TRIP12: variants seen among roughly 807,000 people sequenced by gnomAD.
TRIP12 encodes thyroid hormone receptor interactor 12, also known as E3 ubiquitin-protein ligase TRIP12.
TRIP12 carries 25 observed loss-of-function variants against 244.2 expected under a neutral mutation model. The ratio of observed to expected loss-of-function variants is 0.10; its 90% CI spans 0.07 to 0.14. TRIP12 has a LOEUF of 0.14. Among genes scored for constraint, TRIP12 ranks in the 10% least tolerant of loss-of-function variants. The probability of loss-of-function intolerance (pLI) is 1.00; values close to 1 mark genes in which losing one functional copy is unlikely to be tolerated. For synonymous variants in TRIP12, 905 were observed against 873.1 expected (o/e 1.04, Z -0.64); for missense variants, 1,677 against 2,486.4 (o/e 0.67, Z 6.92).
At chr2:229,897,103 C>G (rs1383023083) in intron 1 of TRIP12, among the ~76,000 whole-genome samples, 2 of 152,132 alleles carry the variant, frequency 1.3e-5, no homozygotes, top group African/African-American at 4.8e-5. Flanking sequence ...GTACCTTCAG[C>G]TGATTTTTGC....
intron 9 of TRIP12, 41 bp downstream of exon 9, chr2:229,818,323 G>A (rs974865093): frequency 6.2e-7 from 1 of 1,604,228 alleles, no homozygotes; most frequent in East Asian, 2.2e-5. Flanking sequence ...AGATTTCAGA[G>A]GACAAATGAG....
intron 1 of TRIP12, among the ~76,000 whole-genome samples, chr2:229,912,138 T>C (rs2074404505): frequency 6.6e-6 from 1 of 152,218 alleles, no homozygotes. Context: ...AGAGGACTGG[T>C]GTGGGTCATT....
In TRIP12 at chr2:229,884,255, G is replaced by A. The variant is rs972697397; in HGVS notation, c.-49-4127C>T. Among the ~76,000 whole-genome samples the A allele has an allele frequency of 2.6e-4, 8 of 30,304 alleles. No individual in the cohort carries two copies. The East Asian group carries it at 7.8e-3, about 29-fold the overall frequency. 19.9% of individuals were successfully genotyped at this position (30,304 alleles called of 152,430 possible). On this transcript the variant is annotated intron_variant, in intron 1 of 41. Transcript: ENST00000675903. ...TCTTTTCTTTTTTTTTTTTTTTTTT[G>A]AGACAGAGCCTTGCTCTGTTGCCCT... is the stretch of plus-strand genomic sequence containing the variant.
chr2:229,771,500 T>G lies in TRIP12; in HGVS notation c.5808+19A>C. 1 of 1,591,358 alleles carries G rather than the reference T, an allele frequency of 6.3e-7. No individual in the cohort carries two copies. The highest frequency in any genetic ancestry group is 8.6e-7 in the Non-Finnish European group (1 of 1,159,968). On this transcript the variant is annotated intron_variant, in intron 39 of 41. Transcript: ENST00000675903. ...AAAATTATAGGTATGACCATTTCTTTTAGATATAAGCTACTCACTTCCTCC... is the reference window on the plus strand; with the variant it reads ...AAAATTATAGGTATGACCATTTCTTGTAGATATAAGCTACTCACTTCCTCC...
At position 229,774,078 on chromosome 2, in the gene TRIP12, C is replaced by G. The variant is rs377410498; in HGVS notation, c.5694+19G>C. Reference sequence around the variant, plus strand: ...CCGTCTTCACAACTGGCCTACCCCCCAAAGACACAGTTACATACTCTTAGA... The same window carrying G: ...CCGTCTTCACAACTGGCCTACCCCCGAAAGACACAGTTACATACTCTTAGA... On this transcript the variant is annotated intron_variant, in intron 38 of 41. Transcript: ENST00000675903. 4.4e-6 allele frequency: 7 copies of G among 1,607,026 alleles called. No homozygotes were observed. Among genetic ancestry groups the G allele is most frequent in the Admixed American group, 1.7e-5 (1 of 59,062 alleles).
chr2:229,831,119 TTTAA>T (rs1413931899), intron 6 of TRIP12: 3 of 715,176 alleles, frequency 4.2e-6, no homozygotes, highest in African/African-American at 3.5e-5. Context: ...GAAACTGTTC[TTTAA>T]TTAAGATGTC....
intron 1 of TRIP12, among the ~76,000 whole-genome samples, chr2:229,891,223 C>A (rs2067274362): frequency 6.6e-6 from 1 of 151,988 alleles, no homozygotes; most frequent in South Asian, 2.1e-4. Context: ...GAGTTTGAGA[C>A]CAGCCTAGGC....
chr2:229,864,045 A>AGTGT (rs1238759495), intron 2 of TRIP12, among the ~76,000 whole-genome samples: 86 of 67,256 alleles, frequency 1.3e-3, no homozygotes, highest in Non-Finnish European at 1.5e-3. Flanking sequence ...AGAGAGAGAG[A>AGTGT]GAGTGTGTGT....
In TRIP12 at chr2:229,763,882, C is replaced by T. The variant is rs1036451945; in HGVS notation, c.*3672G>A. The T allele has an allele frequency of 7.9e-5, 12 of 152,176 alleles. No homozygotes were observed. Among genetic ancestry groups the T allele is most frequent in the Admixed American group, 7.9e-4 (12 of 15,268 alleles). The allele number at this position is 152,176 out of a possible 1,614,324, so 9.4% of individuals were successfully genotyped here. A position where few individuals can be genotyped will look rare whatever the true frequency, so the allele number is the denominator to read the frequency against. ...AAAATATAGTCAGGGAGAAGGAAGT[C>T]AGTGCATTTATGCAATTTTACATAC... On this transcript the variant is annotated 3_prime_UTR_variant, in exon 42 of 42. Coordinates refer to ENST00000675903, the MANE Select transcript of TRIP12 (RefSeq NM_001348323.3).
intron 2 of TRIP12, among the ~76,000 whole-genome samples, chr2:229,860,969 G>A (rs907692432): frequency 2.0e-5 from 3 of 152,080 alleles, no homozygotes; most frequent in Non-Finnish European, 2.9e-5. Flanking sequence ...CACTGATACC[G>A]ATTTCCAATT....
chr2:229,898,030 T>C (rs2069392332), intron 1 of TRIP12, among the ~76,000 whole-genome samples: 1 of 152,166 alleles, frequency 6.6e-6, no homozygotes, highest in East Asian at 1.9e-4. Context: ...TGGCTGTATT[T>C]AATACAGTCA....
At chr2:229,872,265 CTT>C (rs2062785381) in intron 2 of TRIP12, among the ~76,000 whole-genome samples, 2 of 151,682 alleles carry the variant, frequency 1.3e-5, no homozygotes. Flanking sequence ...CCCCATCTCT[CTT>C]TTAAAAAAAG....
chr2:229,810,815 G>A, intron 15 of TRIP12, 65 bp downstream of exon 15: 29 of 1,525,480 alleles, frequency 1.9e-5, no homozygotes, highest in Non-Finnish European at 2.5e-5. Context: ...GGCTTATGTT[G>A]ACTTTACATA....
At chr2:229,794,998 G>T (rs2042460357) in intron 26 of TRIP12, 181 bp downstream of exon 26, 3 of 585,258 alleles carry the variant, frequency 5.1e-6, no homozygotes, top group Non-Finnish European at 8.4e-6. Context: ...AAGGCATATG[G>T]TATAATTTTA....
intron 2 of TRIP12, among the ~76,000 whole-genome samples, chr2:229,867,068 G>GTA (rs373240800): frequency 1.6e-3 from 226 of 142,564 alleles, no homozygotes; most frequent in African/African-American, 3.8e-3. Context: ...AATAAGCAAA[G>GTA]TATATATATA....
chr2:229,769,395 C>A (rs2033257899), intron 39 of TRIP12, 70 bp from the exon 40 acceptor site: 2 of 1,398,544 alleles, frequency 1.4e-6, no homozygotes, highest in East Asian at 4.6e-5. Flanking sequence ...AAATAAAGGT[C>A]TACGTGTACC....
chr2:229,803,496 TG>T (rs1219388218), intron 20 of TRIP12, 74 bp downstream of exon 20: 13 of 929,480 alleles, frequency 1.4e-5, no homozygotes, highest in African/African-American at 3.4e-5. Context: ...TATCAGTTTT[TG>T]CTCGACAGAT....
At chr2:229,849,590 T>C (rs1030911441) in intron 4 of TRIP12, among the ~76,000 whole-genome samples, 10 of 152,040 alleles carry the variant, frequency 6.6e-5, no homozygotes, top group South Asian at 2.1e-4. Context: ...TGGCCAGGCA[T>C]AGTGGCTCAT....
At chr2:229,848,983 C>T (rs1421878580) in intron 4 of TRIP12, among the ~76,000 whole-genome samples, 1 of 152,024 alleles carries the variant, frequency 6.6e-6, no homozygotes, top group Non-Finnish European at 1.5e-5. Flanking sequence ...AAATATTCCA[C>T]CAAAACAAGA....
Sources: gnomAD v4.1 joint callset for allele counts (sites outside exome capture counted in the v4.1 genomes callset) on GRCh38, gnomAD v4.1.1 for gene constraint, MANE v1.5 for transcripts, NCBI Gene and HGNC (gene_info 2026-07-23, HGNC 2026-07-21) for gene names.